Variants in EPB41L4B observed in about 807,000 individuals in gnomAD.
EPB41L4B encodes band 4.1-like protein 4B.
In EPB41L4B, 30 loss-of-function variants were observed where a neutral mutation model predicts 112.5. The observed-to-expected ratio is 0.27, with a 90% CI of 0.20 to 0.36. The LOEUF (loss-of-function observed/expected upper bound fraction) is 0.36. Ranked by LOEUF, EPB41L4B falls within the 10% of genes least tolerant of loss-of-function variation. EPB41L4B has a pLI of 1.00. For missense variants in EPB41L4B, 1,024 were observed against 1,133.3 expected, an observed-to-expected ratio of 0.90 and a Z score of 1.38; for synonymous variants, 408 against 439.7, an observed-to-expected ratio of 0.93 and a Z score of 0.90.
chr9:109,288,463 G>A lies in EPB41L4B; in HGVS notation c.307-8542C>T, dbSNP rs1241491409. Among the ~76,000 whole-genome samples, 5 of 152,208 alleles carry A rather than the reference G, an allele frequency of 3.3e-5. No individual in the cohort carries two copies. In the South Asian group the frequency reaches 6.2e-4, roughly 19 times the overall value. The stretch of plus-strand genomic sequence containing the variant: ...GGGCTAGGCACAGTGGCTCACGTCT[G>A]TAATCCCAGCACTTTGGGAGGCCGA... On this transcript the variant is annotated intron_variant, in intron 1 of 25. Coordinates refer to ENST00000374566, the MANE Select transcript of EPB41L4B (RefSeq NM_019114.5).
At chr9:109,277,287 G>A (rs1197897725) in intron 2 of EPB41L4B, among the ~76,000 whole-genome samples, 1 of 136,726 alleles carries the variant, frequency 7.3e-6, no homozygotes, top group Non-Finnish European at 1.5e-5. Context: ...CGCTCCAGGT[G>A]TAGAGAGTAG....
chr9:109,272,925 G>C (rs1352219842), intron 2 of EPB41L4B, among the ~76,000 whole-genome samples: 1 of 152,122 alleles, frequency 6.6e-6, no homozygotes, highest in Non-Finnish European at 1.5e-5. Context: ...GCCTTGATAA[G>C]AGGCAGAGCT....
At chr9:109,283,578 C>A (rs973674793) in intron 1 of EPB41L4B, among the ~76,000 whole-genome samples, 3 of 151,918 alleles carry the variant, frequency 2.0e-5, no homozygotes, top group Non-Finnish European at 2.9e-5. Context: ...AAGATAATTA[C>A]GAAGATGAGA....
chr9:109,243,509 TA>T, intron 15 of EPB41L4B, 108 bp downstream of exon 15: 1 of 1,029,008 alleles, frequency 9.7e-7, no homozygotes, highest in Non-Finnish European at 1.5e-6. Context: ...ATGCATCCCT[TA>T]AGGGTTATTT....
intron 1 of EPB41L4B, among the ~76,000 whole-genome samples, chr9:109,281,816 G>C (rs929687892): frequency 7.2e-5 from 11 of 152,250 alleles, no homozygotes; most frequent in African/African-American, 2.6e-4. Flanking sequence ...CTGTGCAGCT[G>C]CTCTGGAAAA....
At chr9:109,275,426 G>A (rs1048755055) in intron 2 of EPB41L4B, among the ~76,000 whole-genome samples, 1 of 152,124 alleles carries the variant, frequency 6.6e-6, no homozygotes, top group African/African-American at 2.4e-5. Context: ...TCACCTCCCA[G>A]GTCCTATAAA....
At chr9:109,320,082 G>C in intron 1 of EPB41L4B, 59 bp downstream of exon 1, 1 of 1,317,198 alleles carries the variant, frequency 7.6e-7, no homozygotes, top group South Asian at 1.9e-5. Flanking sequence ...CACTGGGGGA[G>C]GGGGAGCTGC....
intron 1 of EPB41L4B, among the ~76,000 whole-genome samples, chr9:109,317,116 C>CA (rs1054965469): frequency 2.0e-5 from 3 of 151,660 alleles, no homozygotes; most frequent in Non-Finnish European, 2.9e-5. Context: ...AAAAACAAAA[C>CA]AAAAAAAAGA....
intron 2 of EPB41L4B, among the ~76,000 whole-genome samples, chr9:109,273,593 C>T (rs1835706292): frequency 6.6e-6 from 1 of 152,200 alleles, no homozygotes; most frequent in Non-Finnish European, 1.5e-5. Context: ...GACCACCATG[C>T]AAGGAGGCAG....
At chr9:109,310,163 TACAAA>T (rs1410397197) in intron 1 of EPB41L4B, among the ~76,000 whole-genome samples, 1 of 152,152 alleles carries the variant, frequency 6.6e-6, no homozygotes, top group Non-Finnish European at 1.5e-5. Context: ...ATGGAATAAC[TACAAA>T]ACAGTAAGAA....
intron 18 of EPB41L4B, among the ~76,000 whole-genome samples, chr9:109,205,386 A>G (rs1341760236): frequency 1.3e-5 from 2 of 152,164 alleles, no homozygotes; most frequent in Admixed American, 6.5e-5. Context: ...TCTCCAATGG[A>G]GCAGAAATAT....
intron 2 of EPB41L4B, among the ~76,000 whole-genome samples, chr9:109,275,689 C>T (rs1835787401): frequency 6.6e-6 from 1 of 152,158 alleles, no homozygotes; most frequent in African/African-American, 2.4e-5. Flanking sequence ...CTGAGCTCCT[C>T]AAATTCCCCA....
intron 1 of EPB41L4B, among the ~76,000 whole-genome samples, chr9:109,292,034 TC>T (rs2119183338): frequency 6.6e-6 from 1 of 152,308 alleles, no homozygotes; most frequent in South Asian, 2.1e-4. Flanking sequence ...AGCATCTCCT[TC>T]ACAGGGCTGC....
intron 4 of EPB41L4B, 132 bp from the exon 5 acceptor site, chr9:109,265,156 A>C: frequency 1.5e-6 from 1 of 687,432 alleles, no homozygotes; most frequent in Non-Finnish European, 2.4e-6. Flanking sequence ...TCCAAATCAA[A>C]TGAGAACTTT....
intron 1 of EPB41L4B, among the ~76,000 whole-genome samples, chr9:109,308,858 G>A (rs909075271): frequency 5.3e-5 from 8 of 152,136 alleles, no homozygotes; most frequent in African/African-American, 1.2e-4. Flanking sequence ...CAGGCGGATC[G>A]CTTGAAGTCA....
chr9:109,310,178 A>T (rs1189017366), intron 1 of EPB41L4B, among the ~76,000 whole-genome samples: 2 of 152,144 alleles, frequency 1.3e-5, no homozygotes, highest in African/African-American at 4.8e-5. Flanking sequence ...AACAGTAAGA[A>T]CTCCAGTCAT....
chr9:109,216,834 A>T (rs1833387661), intron 16 of EPB41L4B, 88 bp downstream of exon 16: 7 of 1,333,806 alleles, frequency 5.2e-6, no homozygotes, highest in Non-Finnish European at 7.5e-6. Flanking sequence ...GCTGCACCGC[A>T]AGGGTCTGTC....
rs1231074423 is a variant in EPB41L4B at position 109,213,759 on chromosome 9, C to G, written c.1693G>C (p.Glu565Gln). The G allele has an allele frequency of 1.2e-6, 2 of 1,614,004 alleles. No individual in the cohort carries two copies. Residue 565 changes from glutamate (E) to glutamine (Q), a missense_variant, in exon 17 of 26, where the codon GAA becomes CAA. Coordinates refer to ENST00000374566, the MANE Select transcript of EPB41L4B (RefSeq NM_019114.5). ...SEAAAHLKKL[E>Q]LETVKAAGPW... is the part of the protein sequence containing the mutation. ...CCAGCAGCCTTCACAGTTTCCAGTT[C>G]CAGCTTCTTTAGATGGGCAGCGGCT...
chr9:109,204,125 A>G (rs1832919941), intron 18 of EPB41L4B, among the ~76,000 whole-genome samples: 1 of 152,214 alleles, frequency 6.6e-6, no homozygotes, highest in Admixed American at 6.5e-5. Flanking sequence ...TTACAAAGGA[A>G]TTTGGAATCT....
Sources: gnomAD v4.1 joint callset for allele counts (sites outside exome capture counted in the v4.1 genomes callset) on GRCh38, gnomAD v4.1.1 for gene constraint, MANE v1.5 for transcripts, NCBI Gene and HGNC (gene_info 2026-07-23, HGNC 2026-07-21) for gene names.